DGKI: variants seen among roughly 807,000 people sequenced by gnomAD.
The protein encoded by DGKI is DAG kinase iota.
Under a neutral mutation model 147.5 loss-of-function variants are expected in DGKI, and 55 were observed. The observed-to-expected ratio is 0.37, with a 90% CI of 0.30 to 0.47. The LOEUF is 0.47. Among genes scored for constraint, DGKI ranks in the 20% least tolerant of loss-of-function variants. The pLI is 1.00. For missense variants in DGKI, 1,007 were observed against 1,323.8 expected (o/e 0.76, Z 3.71); for synonymous variants, 469 against 477.1 (o/e 0.98, Z 0.22).
chr7:137,397,526 G>A, intron 30 of DGKI, 113 bp from the exon 31 acceptor site: 1 of 948,792 alleles, frequency 1.1e-6, no homozygotes. Flanking sequence ...TTTGGGGATA[G>A]GAATAATAAG....
chr7:137,607,705 C>T (rs1014272696), intron 10 of DGKI, among the ~76,000 whole-genome samples: 43 of 152,100 alleles, frequency 2.8e-4, no homozygotes, highest in Admixed American at 1.8e-3. Flanking sequence ...TTTGATAGAA[C>T]ATAGGGATAC....
At chr7:137,472,092 T>C (rs1165317973) in intron 23 of DGKI, among the ~76,000 whole-genome samples, 2 of 114,308 alleles carry the variant, frequency 1.7e-5, no homozygotes, top group Non-Finnish European at 3.2e-5. Flanking sequence ...ATATAATATA[T>C]ACACATATAT....
chr7:137,551,597 G>A (rs1818046573), intron 20 of DGKI, among the ~76,000 whole-genome samples: 2 of 152,252 alleles, frequency 1.3e-5, no homozygotes, highest in South Asian at 4.1e-4. Context: ...CAAAAATTAT[G>A]TTCATTTTCC....
At chr7:137,505,310 G>A (rs1816329229) in intron 21 of DGKI, among the ~76,000 whole-genome samples, 1 of 152,138 alleles carries the variant, frequency 6.6e-6, no homozygotes, top group Non-Finnish European at 1.5e-5. Flanking sequence ...CTCTTGGAGA[G>A]AACGTGCATT....
At chr7:137,731,204 G>C (rs150021921) in intron 1 of DGKI, among the ~76,000 whole-genome samples, 1 of 151,882 alleles carries the variant, frequency 6.6e-6, no homozygotes, top group Admixed American at 6.6e-5. Flanking sequence ...CCTAAGCATC[G>C]TACATGAAAC....
chr7:137,635,012 AG>A (rs1340585368), intron 6 of DGKI, among the ~76,000 whole-genome samples: 2 of 152,230 alleles, frequency 1.3e-5, no homozygotes, highest in Non-Finnish European at 2.9e-5. Flanking sequence ...CAGGAGGTCT[AG>A]GGAAGAGGTA....
rs568888790 is a variant in DGKI at position 137,573,920 on chromosome 7, T to C, written c.1762-1082A>G. 2.0e-5 allele frequency among the ~76,000 whole-genome samples: 3 copies of C among 152,372 alleles called. No homozygotes were observed. The East Asian group carries it at 5.8e-4, about 29-fold the overall frequency. ...ACTGGTGACAAAAGTCAAAAGAGAA[T>C]AACTCTAGTCATGACTATAGACTTT... is the stretch of plus-strand genomic sequence containing the variant. On this transcript the variant is annotated intron_variant, in intron 17 of 32. Coordinates refer to ENST00000614521, the MANE Select transcript of DGKI (RefSeq NM_001321708.2).
At chr7:137,392,489 C>G (rs943007886) in intron 32 of DGKI, among the ~76,000 whole-genome samples, 23 of 152,140 alleles carry the variant, frequency 1.5e-4, no homozygotes, top group Non-Finnish European at 3.1e-4. Context: ...TAAATATTAT[C>G]AGAGACTTCT....
chr7:137,459,912 G>A (rs184414659), intron 27 of DGKI, among the ~76,000 whole-genome samples: 60 of 151,842 alleles, frequency 4.0e-4, no homozygotes, highest in African/African-American at 1.3e-3. Flanking sequence ...TGAATGCTTT[G>A]CTTATTTGCA....
At chr7:137,610,730 T>C (rs530630575) in intron 8 of DGKI, among the ~76,000 whole-genome samples, 4 of 152,354 alleles carry the variant, frequency 2.6e-5, no homozygotes, top group African/African-American at 9.6e-5. Flanking sequence ...ATGTATTCTT[T>C]TTTCTTTGAG....
At chr7:137,659,973 T>G (rs751775143) in intron 3 of DGKI, among the ~76,000 whole-genome samples, 1 of 152,220 alleles carries the variant, frequency 6.6e-6, no homozygotes, top group East Asian at 1.9e-4. Flanking sequence ...ATTCCTTACA[T>G]TGGGACACAG....
chr7:137,734,486 C>T (rs909707144), intron 1 of DGKI, among the ~76,000 whole-genome samples: 16 of 152,014 alleles, frequency 1.1e-4, no homozygotes, highest in African/African-American at 3.1e-4. Context: ...GTGTGCTCTT[C>T]GTCATATCTT....
intron 1 of DGKI, among the ~76,000 whole-genome samples, chr7:137,835,085 T>G (rs1454790402): frequency 6.6e-6 from 1 of 152,240 alleles, no homozygotes; most frequent in African/African-American, 2.4e-5. Context: ...AATGAAATCT[T>G]GGCACCATCC....
At chr7:137,669,004 C>T (rs934037363) in intron 3 of DGKI, among the ~76,000 whole-genome samples, 1 of 152,160 alleles carries the variant, frequency 6.6e-6, no homozygotes, top group African/African-American at 2.4e-5. Flanking sequence ...ATTTTCACAA[C>T]AACCACAAGA....
intron 17 of DGKI, among the ~76,000 whole-genome samples, chr7:137,576,500 CTTCTT>C (rs1443563037): frequency 2.6e-5 from 4 of 152,044 alleles, no homozygotes; most frequent in African/African-American, 7.3e-5. Context: ...ATGTTCCTTC[CTTCTT>C]TTAACTTGTT....
At chr7:137,461,244 C>T (rs1165056512) in intron 27 of DGKI, among the ~76,000 whole-genome samples, 2 of 152,208 alleles carry the variant, frequency 1.3e-5, no homozygotes, top group Non-Finnish European at 2.9e-5. Flanking sequence ...TCAAACTACA[C>T]TTGCCATTTG....
At chr7:137,561,285 G>C (rs1406728207) in intron 19 of DGKI, among the ~76,000 whole-genome samples, 2 of 152,090 alleles carry the variant, frequency 1.3e-5, no homozygotes, top group African/African-American at 4.8e-5. Context: ...TGAAACTGGA[G>C]AACATTATGC....
chr7:137,461,584 C>A (rs1466596550), intron 27 of DGKI, among the ~76,000 whole-genome samples: 1 of 152,142 alleles, frequency 6.6e-6, no homozygotes, highest in African/African-American at 2.4e-5. Flanking sequence ...AGTGATTTAA[C>A]ACAACAATTT....
intron 1 of DGKI, among the ~76,000 whole-genome samples, chr7:137,749,527 T>C (rs1795436846): frequency 6.6e-6 from 1 of 152,236 alleles, no homozygotes; most frequent in South Asian, 2.1e-4. Context: ...TCTTTTTGGC[T>C]GCCTAAGAAA....
Sources: allele counts gnomAD v4.1 joint callset (sites outside exome capture counted in the v4.1 genomes callset), GRCh38; gene constraint gnomAD v4.1.1; transcripts MANE v1.5; gene names NCBI Gene and HGNC (gene_info 2026-07-23, HGNC 2026-07-21).